Variants in CACNA1D observed in about 807,000 individuals in gnomAD.
The protein encoded by CACNA1D is calcium voltage-gated channel subunit alpha1 D, also known as voltage-dependent L-type calcium channel subunit alpha-1D.
CACNA1D carries 55 observed loss-of-function variants against 257.1 expected under a neutral mutation model. That is an observed-to-expected ratio of 0.21 (90% CI 0.17 to 0.27). The LOEUF (loss-of-function observed/expected upper bound fraction) is 0.27. CACNA1D is among the 10% of genes least tolerant of loss of function. The pLI, the probability that CACNA1D is intolerant of heterozygous loss-of-function variation, is 1.00. For missense variants in CACNA1D, 1,876 were observed against 2,784.0 expected, an observed-to-expected ratio of 0.67 and a Z score of 7.34; for synonymous variants, 980 against 1,014.9, an observed-to-expected ratio of 0.97 and a Z score of 0.65.
intron 2 of CACNA1D, among the ~76,000 whole-genome samples, chr3:53,500,291 C>T (rs1283219526): frequency 5.0e-5 from 7 of 140,510 alleles, no homozygotes; most frequent in Non-Finnish European, 1.1e-4. Context: ...AATTAGCCGG[C>T]GTGGTGGCAC....
chr3:53,670,200 C>G (rs556209295), intron 7 of CACNA1D, among the ~76,000 whole-genome samples: 1 of 152,152 alleles, frequency 6.6e-6, no homozygotes. Context: ...TGTAACCAGC[C>G]GAGGGCTTGC....
intron 9 of CACNA1D, among the ~76,000 whole-genome samples, chr3:53,709,785 C>G (rs952885578): frequency 6.6e-6 from 1 of 152,182 alleles, no homozygotes; most frequent in Admixed American, 6.5e-5. Flanking sequence ...TTGATTGTGC[C>G]TTGCCAAAGC....
chr3:53,805,603 C>A (rs2095558511), intron 45 of CACNA1D, among the ~76,000 whole-genome samples: 1 of 152,118 alleles, frequency 6.6e-6, no homozygotes, highest in African/African-American at 2.4e-5. Flanking sequence ...TCTTGCAAAA[C>A]CCCATGCCTC....
At chr3:53,561,652 G>A (rs1376538835) in intron 3 of CACNA1D, among the ~76,000 whole-genome samples, 1 of 152,074 alleles carries the variant, frequency 6.6e-6, no homozygotes, top group Non-Finnish European at 1.5e-5. Context: ...TCAGTTTTTC[G>A]CAGTATGCTC....
intron 45 of CACNA1D, among the ~76,000 whole-genome samples, chr3:53,806,038 CCCT>C (rs1370965901): frequency 3.7e-5 from 5 of 136,004 alleles, no homozygotes; most frequent in Non-Finnish European, 6.2e-5. Context: ...TCCTCCTCCT[CCCT>C]CATGTTCCCT....
intron 3 of CACNA1D, among the ~76,000 whole-genome samples, chr3:53,589,523 C>T (rs114016194): frequency 0.025 from 3,850 of 152,238 alleles, 164 homozygotes; most frequent in African/African-American, 0.087. Flanking sequence ...AACCCCTTGC[C>T]GACTCTTCAG....
chr3:53,502,015 A>G (rs1306009484), intron 3 of CACNA1D, among the ~76,000 whole-genome samples: 3 of 149,950 alleles, frequency 2.0e-5, no homozygotes, highest in Non-Finnish European at 3.0e-5. Context: ...AGTTTTTGCT[A>G]CCATTCTTTT....
At chr3:53,787,018 A>G (rs530886970) in intron 40 of CACNA1D, 66 bp downstream of exon 40, 12 of 1,530,780 alleles carry the variant, frequency 7.8e-6, no homozygotes, top group Non-Finnish European at 9.9e-6. Flanking sequence ...TTGAAATACT[A>G]GAGAGCTGCC....
At chr3:53,726,038 G>A (rs1292617744) in intron 14 of CACNA1D, among the ~76,000 whole-genome samples, 1 of 152,138 alleles carries the variant, frequency 6.6e-6, no homozygotes, top group South Asian at 2.1e-4. Flanking sequence ...AATTTCATAG[G>A]TATAATTATC....
rs549627944 is a variant in CACNA1D, at chr3:53,813,593, G to C, written c.*2187G>C. On this transcript the variant is annotated 3_prime_UTR_variant, in exon 48 of 48. Coordinates refer to ENST00000350061, the MANE Select transcript of CACNA1D (RefSeq NM_001128840.3). ...CAAAATTGCCAGACCAGGACCCTAA[G>C]TGTCTGATAGAGGCGATGATCTTTT... The C allele has an allele frequency of 5.9e-5, 9 of 152,358 alleles. No homozygotes were observed. The East Asian group carries it at 1.7e-3, about 29-fold the overall frequency. 9.4% of individuals were successfully genotyped at this position (152,358 alleles called of 1,614,324 possible).
intron 3 of CACNA1D, among the ~76,000 whole-genome samples, chr3:53,596,959 T>C (rs1400960327): frequency 6.6e-6 from 1 of 152,198 alleles, no homozygotes; most frequent in East Asian, 1.9e-4. Context: ...AACTGGACCA[T>C]GTGACTTTTG....
intron 8 of CACNA1D, among the ~76,000 whole-genome samples, chr3:53,682,244 G>A (rs1359995971): frequency 6.6e-6 from 1 of 151,780 alleles, no homozygotes; most frequent in Non-Finnish European, 1.5e-5. Flanking sequence ...AGAAAATGTA[G>A]CAGCTGGGTG....
At chr3:53,571,700 A>G (rs1446040966) in intron 3 of CACNA1D, among the ~76,000 whole-genome samples, 1 of 152,174 alleles carries the variant, frequency 6.6e-6, no homozygotes, top group Non-Finnish European at 1.5e-5. Context: ...TCAGTTAACC[A>G]TGAACCCTAA....
chr3:53,600,018 T>C (rs2093422033), intron 3 of CACNA1D, among the ~76,000 whole-genome samples: 1 of 152,262 alleles, frequency 6.6e-6, no homozygotes, highest in South Asian at 2.1e-4. Flanking sequence ...GAAATTGGTT[T>C]CTCAGCCTTG....
chr3:53,615,440 C>T (rs1241225009), intron 3 of CACNA1D, among the ~76,000 whole-genome samples: 1 of 152,216 alleles, frequency 6.6e-6, no homozygotes, highest in African/African-American at 2.4e-5. Context: ...CCCACCCTTT[C>T]CTGCCTGTTG....
At chr3:53,528,071 T>C (rs2091828207) in intron 3 of CACNA1D, among the ~76,000 whole-genome samples, 4 of 152,362 alleles carry the variant, frequency 2.6e-5, no homozygotes, top group South Asian at 4.2e-4. Flanking sequence ...TTTTCTTTTA[T>C]GGTTAATATT....
chr3:53,547,605 A>G (rs1313998675), intron 3 of CACNA1D, among the ~76,000 whole-genome samples: 1 of 152,052 alleles, frequency 6.6e-6, no homozygotes, highest in Non-Finnish European at 1.5e-5. Flanking sequence ...GAGATGATGG[A>G]CGTTGCATTT....
chr3:53,751,954 A>G lies in CACNA1D; in HGVS notation c.3675+47A>G. On this transcript the variant is annotated intron_variant, in intron 28 of 47. Transcript: ENST00000350061. This position sits in a 1 kb window ranked among gnomAD's most constrained non-coding sequence, Gnocchi z 4.3. ...GGGATCAGGTCCGGGCATTCCGCACAGCCCCGTGCCCCAAATGCTGAGGGT... is the reference window on the plus strand; with the variant it reads ...GGGATCAGGTCCGGGCATTCCGCACGGCCCCGTGCCCCAAATGCTGAGGGT... The G allele has an allele frequency of 1.3e-6, 2 of 1,583,758 alleles. No homozygotes were observed. Among genetic ancestry groups the G allele is most frequent in the Non-Finnish European group, 1.7e-6 (2 of 1,152,560 alleles).
At chr3:53,553,617 TAACCAG>T (rs1479359263) in intron 3 of CACNA1D, among the ~76,000 whole-genome samples, 1 of 152,194 alleles carries the variant, frequency 6.6e-6, no homozygotes, top group African/African-American at 2.4e-5. Context: ...TTGCAATTTG[TAACCAG>T]AACCATTTTC....
Sources: allele counts gnomAD v4.1 joint callset (sites outside exome capture counted in the v4.1 genomes callset), GRCh38; gene constraint gnomAD v4.1.1; non-coding constraint Gnocchi (gnomAD v3.1); transcripts MANE v1.5; gene names NCBI Gene and HGNC (gene_info 2026-07-23, HGNC 2026-07-21).